Variants in USH2A observed in about 807,000 individuals in gnomAD.
USH2A encodes usherin, also known as Usher syndrome 2A (autosomal recessive, mild).
Under a neutral mutation model 538.9 loss-of-function variants are expected in USH2A, and 443 were observed. The observed-to-expected ratio is 0.82, with a 90% CI of 0.76 to 0.89. USH2A has a LOEUF of 0.89. Ranked by LOEUF, USH2A falls within the 40% of genes least tolerant of loss-of-function variation. The pLI, the probability that USH2A is intolerant of heterozygous loss-of-function variation, is 0.00. For missense variants in USH2A, 6,633 were observed against 6,324.8 expected, an observed-to-expected ratio of 1.05 and a Z score of -1.65; for synonymous variants, 2,413 against 2,273.5, an observed-to-expected ratio of 1.06 and a Z score of -1.75.
chr1:216,379,301 T>G (rs2038890493), intron 3 of USH2A, among the ~76,000 whole-genome samples: 1 of 152,188 alleles, frequency 6.6e-6, no homozygotes, highest in Non-Finnish European at 1.5e-5. Flanking sequence ...CTGGTTTCCT[T>G]TGCCAATCTA....
intron 71 of USH2A, 69 bp from the exon 72 acceptor site, chr1:215,625,939 TATATC>T (rs1172773004): frequency 7.0e-6 from 10 of 1,436,488 alleles, no homozygotes; most frequent in South Asian, 3.5e-5. Flanking sequence ...AATTTATAGT[TATATC>T]AATTAAGTGT....
At chr1:216,032,294 T>C (rs1669146586) in intron 32 of USH2A, among the ~76,000 whole-genome samples, 2 of 152,174 alleles carry the variant, frequency 1.3e-5, no homozygotes, top group African/African-American at 2.4e-5. Flanking sequence ...TGTTGATTAT[T>C]TACCATTTTT....
chr1:216,185,571 T>C (rs1223316048), intron 20 of USH2A, among the ~76,000 whole-genome samples: 2 of 151,934 alleles, frequency 1.3e-5, no homozygotes, highest in Non-Finnish European at 2.9e-5. Context: ...TCATATGAGC[T>C]ATTAGACATA....
intron 67 of USH2A, among the ~76,000 whole-genome samples, chr1:215,643,422 G>A (rs765990257): frequency 9.9e-5 from 15 of 151,914 alleles, no homozygotes; most frequent in African/African-American, 2.2e-4. Context: ...GTATTTTTCC[G>A]TAACTATTGA....
chr1:216,200,027 T>A lies in USH2A; in HGVS notation c.3411A>T (p.Val1137=), dbSNP rs745577774. Residue 1137 remains valine, a synonymous_variant, in exon 17 of 72, where the codon GTA becomes GTT. Coordinates refer to ENST00000307340, the MANE Select transcript of USH2A (RefSeq NM_206933.4). ...CTGGTTTTGTCTTGTAAGTGACAGC[T>A]ACACTCCTTGTTGAACCATGCACAT... ...TTNVHGSTRS[V]AVTYKTKPGV... 1 of 1,614,022 alleles carries A rather than the reference T, an allele frequency of 6.2e-7. No homozygotes were observed. The highest frequency in any genetic ancestry group is 8.5e-7 in the Non-Finnish European group (1 of 1,179,992).
chr1:216,292,713 C>T (rs945714859), intron 9 of USH2A, among the ~76,000 whole-genome samples: 11 of 152,004 alleles, frequency 7.2e-5, no homozygotes, highest in Admixed American at 3.9e-4. Context: ...TTGGAAAATG[C>T]GACATCTATC....
intron 48 of USH2A, 142 bp from the exon 49 acceptor site, chr1:215,814,046 G>T: frequency 1.0e-6 from 1 of 989,180 alleles, no homozygotes; most frequent in Non-Finnish European, 1.5e-6. Flanking sequence ...GTTTAAAAAT[G>T]TATTTTCCAG....
At chr1:215,717,739 A>G (rs906788516) in intron 61 of USH2A, among the ~76,000 whole-genome samples, 6 of 152,168 alleles carry the variant, frequency 3.9e-5, no homozygotes, top group South Asian at 2.1e-4. Context: ...TTGGCCCTCA[A>G]TTGCAAATAA....
intron 3 of USH2A, among the ~76,000 whole-genome samples, chr1:216,393,629 C>T (rs914286395): frequency 6.6e-6 from 1 of 151,924 alleles, no homozygotes; most frequent in African/African-American, 2.4e-5. Flanking sequence ...TTGCAAAACA[C>T]TGAAAATTAA....
intron 32 of USH2A, among the ~76,000 whole-genome samples, chr1:216,008,839 T>C (rs1668472936): frequency 6.6e-6 from 1 of 152,174 alleles, no homozygotes; most frequent in African/African-American, 2.4e-5. Context: ...GAGACATGTT[T>C]CATCCGTGGA....
intron 50 of USH2A, among the ~76,000 whole-genome samples, chr1:215,797,943 G>A (rs928939307): frequency 7.9e-5 from 12 of 152,096 alleles, no homozygotes; most frequent in African/African-American, 2.9e-4. Context: ...AACCTGGAAA[G>A]GATTCACCAT....
intron 4 of USH2A, among the ~76,000 whole-genome samples, chr1:216,330,998 G>C (rs1175980720): frequency 6.6e-6 from 1 of 151,926 alleles, no homozygotes; most frequent in East Asian, 1.9e-4. Flanking sequence ...AAAGGGGCTG[G>C]GTTTTATAAC....
At chr1:216,109,691 T>C (rs1391494193) in intron 21 of USH2A, among the ~76,000 whole-genome samples, 1 of 152,202 alleles carries the variant, frequency 6.6e-6, no homozygotes, top group Non-Finnish European at 1.5e-5. Flanking sequence ...ATTGTTCAAC[T>C]GGTTCTATAT....
At chr1:215,805,050 C>T (rs1311563550) in intron 49 of USH2A, among the ~76,000 whole-genome samples, 2 of 151,786 alleles carry the variant, frequency 1.3e-5, no homozygotes, top group Non-Finnish European at 2.9e-5. Context: ...AACCAAACAC[C>T]GTATGTTGTC....
intron 26 of USH2A, chr1:216,078,994 A>G (rs1399348914): frequency 1.3e-5 from 2 of 152,258 alleles, no homozygotes; most frequent in South Asian, 2.1e-4. Flanking sequence ...AAATTTTCAT[A>G]GTAAAAAATA....
chr1:216,156,343 G>A (rs1190397391), intron 21 of USH2A, among the ~76,000 whole-genome samples: 5 of 130,590 alleles, frequency 3.8e-5, no homozygotes, highest in Middle Eastern at 4.8e-3. Flanking sequence ...CCTCATCCTC[G>A]GAGAGGTCTT....
At chr1:215,978,430 G>A (rs1042090748) in intron 35 of USH2A, among the ~76,000 whole-genome samples, 1 of 152,094 alleles carries the variant, frequency 6.6e-6, no homozygotes, top group Non-Finnish European at 1.5e-5. Context: ...AAGAACTGGT[G>A]AACATGCTCT....
chr1:215,649,491 A>G (rs1656976647), intron 65 of USH2A, among the ~76,000 whole-genome samples: 2 of 152,348 alleles, frequency 1.3e-5, no homozygotes, highest in South Asian at 4.1e-4. Flanking sequence ...AAATGCATAC[A>G]ATGCCCTCCA....
intron 26 of USH2A, among the ~76,000 whole-genome samples, chr1:216,080,661 CAT>C (rs1252145918): frequency 6.6e-6 from 1 of 151,188 alleles, no homozygotes; most frequent in Admixed American, 6.6e-5. Context: ...TCAATCATTC[CAT>C]ATATTGAGGG....
Sources: gnomAD v4.1 joint callset for allele counts (sites outside exome capture counted in the v4.1 genomes callset) on GRCh38, gnomAD v4.1.1 for gene constraint, MANE v1.5 for transcripts, NCBI Gene and HGNC (gene_info 2026-07-23, HGNC 2026-07-21) for gene names.